ALPL: variants seen among roughly 807,000 people sequenced by gnomAD.
ALPL encodes alkaline phosphatase, biomineralization associated, also known as alkaline phosphatase, tissue-nonspecific isozyme.
ALPL carries 42 observed loss-of-function variants against 51.3 expected under a neutral mutation model. The observed-to-expected ratio is 0.82, with a 90% CI of 0.64 to 1.06. The LOEUF is 1.06. Ranked by LOEUF, ALPL falls within the 50% of genes least tolerant of loss-of-function variation. The pLI is 0.00. For missense variants in ALPL, 589 were observed against 709.4 expected, an observed-to-expected ratio of 0.83 and a Z score of 1.93; for synonymous variants, 279 against 296.4, an observed-to-expected ratio of 0.94 and a Z score of 0.60.
chr1:21,561,243 C>T, intron 4 of ALPL, 31 bp downstream of exon 4: 2 of 1,550,854 alleles, frequency 1.3e-6, no homozygotes, highest in Non-Finnish European at 1.8e-6. Context: ...CAGTTCAGGT[C>T]TGTATATCCA....
chr1:21,547,205 G>T (rs1333550137), intron 1 of ALPL, among the ~76,000 whole-genome samples: 1 of 152,218 alleles, frequency 6.6e-6, no homozygotes, highest in Non-Finnish European at 1.5e-5. Context: ...CCCTCCCCCG[G>T]GGCTCAAATG....
intron 4 of ALPL, 127 bp from the exon 5 acceptor site, chr1:21,562,983 C>T: frequency 1.5e-6 from 2 of 1,290,948 alleles, no homozygotes; most frequent in Admixed American, 1.8e-5. Flanking sequence ...GGGCAGTGGG[C>T]CTGGTCAAGG....
chr1:21,532,605 T>C (rs1644045118), intron 1 of ALPL, among the ~76,000 whole-genome samples: 1 of 152,210 alleles, frequency 6.6e-6, no homozygotes. Flanking sequence ...ATAAAAGAGC[T>C]GAAAGCAAAT....
At chr1:21,537,002 T>G (rs4654960) in intron 1 of ALPL, among the ~76,000 whole-genome samples, 69,465 of 150,466 alleles carry the variant, frequency 0.46, 16,772 homozygotes, top group East Asian at 0.84. Flanking sequence ...GTTCAAGCGA[T>G]TCTCCTGCCT....
At chr1:21,517,881 TC>T (rs1643830296) in intron 1 of ALPL, among the ~76,000 whole-genome samples, 2 of 152,080 alleles carry the variant, frequency 1.3e-5, no homozygotes, top group East Asian at 3.9e-4. Flanking sequence ...CTTCCCAGAT[TC>T]CTTCTAAGTA....
chr1:21,558,192 G>A (rs1008039934), intron 2 of ALPL, among the ~76,000 whole-genome samples: 2 of 152,220 alleles, frequency 1.3e-5, no homozygotes, highest in African/African-American at 4.8e-5. Context: ...TGGGACTCCA[G>A]TCTAGAGAGA....
At chr1:21,555,470 G>A (rs981865065) in intron 2 of ALPL, among the ~76,000 whole-genome samples, 2 of 152,208 alleles carry the variant, frequency 1.3e-5, no homozygotes, top group African/African-American at 4.8e-5. Flanking sequence ...AGGATGGAGT[G>A]CAGTGACGTG....
At chr1:21,555,702 GC>G (rs1220223055) in intron 2 of ALPL, among the ~76,000 whole-genome samples, 1 of 152,052 alleles carries the variant, frequency 6.6e-6, no homozygotes, top group Non-Finnish European at 1.5e-5. Flanking sequence ...ACAGGTGTGA[GC>G]CACTGTGCCC....
At position 21,570,285 on chromosome 1, in the gene ALPL, GAC is replaced by G. The variant is rs763290941; in HGVS notation, c.793-16_793-15del. 2 of 1,613,748 alleles carry G rather than the reference GAC, an allele frequency of 1.2e-6. No homozygotes were observed. The highest frequency in any genetic ancestry group is 1.7e-6 in the Non-Finnish European group (2 of 1,179,758). ...CTCTCCCTAGCCCCCGGCATGTGCTGACACAGCCCTTCCTCCTAGCACTCCCA... is the reference window on the plus strand; with the variant it reads ...CTCTCCCTAGCCCCCGGCATGTGCTGACAGCCCTTCCTCCTAGCACTCCCA... On this transcript the variant is annotated intron_variant, in intron 7 of 11. Transcript: ENST00000374840.
chr1:21,562,692 C>A, intron 4 of ALPL, among the ~76,000 whole-genome samples: 1 of 146,468 alleles, frequency 6.8e-6, no homozygotes, highest in Admixed American at 6.8e-5. Flanking sequence ...CAGTCCCCTT[C>A]CCCCTCACTT....
chr1:21,554,046 T>C lies in ALPL; in HGVS notation c.-36T>C. 2.7e-6 allele frequency: 3 copies of C among 1,099,856 alleles called. No homozygotes were observed. Among genetic ancestry groups the C allele is most frequent in the Non-Finnish European group, 2.6e-6 (2 of 771,304 alleles). The allele number at this position is 1,099,856 out of a possible 1,614,324, so 68.1% of individuals were successfully genotyped here. A position where few individuals can be genotyped will look rare whatever the true frequency, so the allele number is the denominator to read the frequency against. ...CTCCCACCCACGTCGATTGCATCTC[T>C]GGGCTCCAGGGATAAAGCAGGTCTT... On this transcript the variant is annotated 5_prime_UTR_variant, in exon 2 of 12. Transcript: ENST00000374840.
chr1:21,560,002 C>T (rs973754430), intron 2 of ALPL, among the ~76,000 whole-genome samples: 6 of 152,378 alleles, frequency 3.9e-5, no homozygotes, highest in Admixed American at 2.6e-4. Context: ...ATGAGAGATG[C>T]AGAATGTCGT....
At chr1:21,552,885 A>G (rs1261084338) in intron 1 of ALPL, among the ~76,000 whole-genome samples, 2 of 152,198 alleles carry the variant, frequency 1.3e-5, no homozygotes, top group Non-Finnish European at 2.9e-5. Flanking sequence ...GGCTGAAGCA[A>G]TAACATTTCC....
chr1:21,570,729 G>C (rs1644635911), intron 8 of ALPL, among the ~76,000 whole-genome samples: 1 of 152,198 alleles, frequency 6.6e-6, no homozygotes, highest in South Asian at 2.1e-4. Context: ...CTGGGACCTG[G>C]AGTCAGCTCT....
intron 1 of ALPL, among the ~76,000 whole-genome samples, chr1:21,540,473 G>C (rs750328373): frequency 7.9e-5 from 12 of 152,172 alleles, no homozygotes; most frequent in Admixed American, 2.0e-4. Flanking sequence ...GCTCTGCTGT[G>C]TGGCCTTGAG....
rs1033460283 is a variant in ALPL at position 21,564,654 on chromosome 1, C to T, written c.648+438C>T. ...ACAGTGGTTGGCTAGTGCCAGCTCT[C>T]GTGTTTAAACTTCCGAGTTCCAGAC... On this transcript the variant is annotated intron_variant, in intron 6 of 11. Transcript: ENST00000374840. The surrounding 1 kb of genome is among the most constrained non-coding windows in gnomAD (Gnocchi z 5.8). 6.7e-6 allele frequency among the ~76,000 whole-genome samples: 1 copy of T among 149,812 alleles called. No individual in the cohort carries two copies. Among genetic ancestry groups the T allele is most frequent in the Non-Finnish European group, 1.5e-5 (1 of 68,016 alleles).
At chr1:21,531,867 T>A (rs954424852) in intron 1 of ALPL, among the ~76,000 whole-genome samples, 6 of 152,212 alleles carry the variant, frequency 3.9e-5, no homozygotes, top group Non-Finnish European at 2.9e-5. Flanking sequence ...GACCATGCCC[T>A]GCCTTTTCTC....
intron 8 of ALPL, 143 bp downstream of exon 8, chr1:21,570,517 A>G: frequency 1.2e-6 from 1 of 812,736 alleles, no homozygotes; most frequent in Non-Finnish European, 2.0e-6. Flanking sequence ...TGGGAGAGGC[A>G]AGGAAGGGGG....
Position 21,526,701 on chromosome 1 carries a change from C to G in ALPL, c.-105+17184C>G, listed in dbSNP as rs77784292. On this transcript the variant is annotated intron_variant, in intron 1 of 11. Coordinates refer to ENST00000374840, the MANE Select transcript of ALPL (RefSeq NM_000478.6). Reference sequence around the variant, plus strand: ...TGAACTGTGAGACTTACTTTTTGGCCTGGTAGGTGATGAATTATTTAAATG... The same window carrying G: ...TGAACTGTGAGACTTACTTTTTGGCGTGGTAGGTGATGAATTATTTAAATG... 7.0e-3 allele frequency among the ~76,000 whole-genome samples: 1,070 copies of G among 152,160 alleles called. 10 individuals carry two copies. Among genetic ancestry groups the G allele is most frequent in the African/African-American group, 0.024 (982 of 41,502 alleles).
Sources: allele counts gnomAD v4.1 joint callset (sites outside exome capture counted in the v4.1 genomes callset), GRCh38; gene constraint gnomAD v4.1.1; non-coding constraint Gnocchi (gnomAD v3.1); transcripts MANE v1.5; gene names NCBI Gene and HGNC (gene_info 2026-07-23, HGNC 2026-07-21).